SRBD1: variants seen among roughly 807,000 people sequenced by gnomAD.
SRBD1 encodes S1 RNA-binding domain-containing protein 1.
SRBD1 carries 88 observed loss-of-function variants against 115.3 expected under a neutral mutation model. The ratio of observed to expected loss-of-function variants is 0.76; its 90% CI spans 0.64 to 0.91. The LOEUF (loss-of-function observed/expected upper bound fraction) is 0.91, where lower values mean the gene tolerates loss of function less well. Ranked by LOEUF, SRBD1 falls within the 40% of genes least tolerant of loss-of-function variation. The pLI is 0.00. For missense variants in SRBD1, 1,385 were observed against 1,177.4 expected, an observed-to-expected ratio of 1.18 and a Z score of -2.58; for synonymous variants, 509 against 407.7, an observed-to-expected ratio of 1.25 and a Z score of -2.99.
chr2:45,526,657 T>TC (rs1397134634), intron 14 of SRBD1, among the ~76,000 whole-genome samples: 1 of 151,546 alleles, frequency 6.6e-6, no homozygotes, highest in Non-Finnish European at 1.5e-5. Flanking sequence ...AATAAAGACT[T>TC]CCAAAAACAA....
Position 45,440,978 on chromosome 2 carries a change from G to C in SRBD1, c.2050-21084C>G, listed in dbSNP as rs144944675. ...AAAAGGCTTTTCTTCTCCACATGTA[G>C]AAAAAAGGCTCTTTCCTAATGTTTC... On this transcript the variant is annotated intron_variant, in intron 16 of 20. Coordinates refer to ENST00000263736, the MANE Select transcript of SRBD1 (RefSeq NM_018079.5). Among the ~76,000 whole-genome samples the C allele has an allele frequency of 2.0e-3, 310 of 152,254 alleles. 2 individuals carry two copies. Among genetic ancestry groups the C allele is most frequent in the African/African-American group, 7.2e-3 (299 of 41,552 alleles).
intron 19 of SRBD1, among the ~76,000 whole-genome samples, chr2:45,401,890 TATTA>T (rs1228254499): frequency 6.6e-6 from 1 of 152,200 alleles, no homozygotes; most frequent in Non-Finnish European, 1.5e-5. Flanking sequence ...TACAGTCACT[TATTA>T]GTTAGAAGAC....
Position 45,547,418 on chromosome 2 carries a change from C to T in SRBD1, c.1766+104G>A, listed in dbSNP as rs991656626. 7 of 980,470 alleles carry T rather than the reference C, an allele frequency of 7.1e-6. No homozygotes were observed. In the African/African-American group the frequency reaches 1.2e-4, roughly 16 times the overall value. The allele number at this position is 980,470 out of a possible 1,614,324, so 60.7% of individuals were successfully genotyped here. A position where few individuals can be genotyped will look rare whatever the true frequency, so the allele number is the denominator to read the frequency against. ...CTGTTTTATATGGTTTATTGTCTCT[C>T]ACAAAGGCACCTCCCTTAATCCCTC... On this transcript the variant is annotated intron_variant, in intron 13 of 20. Coordinates refer to ENST00000263736, the MANE Select transcript of SRBD1 (RefSeq NM_018079.5).
At chr2:45,536,888 T>C (rs1014799280) in intron 14 of SRBD1, among the ~76,000 whole-genome samples, 1 of 152,198 alleles carries the variant, frequency 6.6e-6, no homozygotes, top group African/African-American at 2.4e-5. Flanking sequence ...AAAACTGTAA[T>C]TTCATAGAGC....
intron 16 of SRBD1, among the ~76,000 whole-genome samples, chr2:45,476,568 A>G (rs1427498410): frequency 6.6e-6 from 1 of 152,210 alleles, no homozygotes; most frequent in Non-Finnish European, 1.5e-5. Flanking sequence ...TAACAACAAA[A>G]ACGAGTACTA....
At chr2:45,448,205 T>G (rs1668885208) in intron 16 of SRBD1, 1 of 152,168 alleles carries the variant, frequency 6.6e-6, no homozygotes, top group Non-Finnish European at 1.5e-5. Context: ...GTTTCAAATC[T>G]TGCCTCTACT....
intron 4 of SRBD1, among the ~76,000 whole-genome samples, chr2:45,595,752 G>A (rs943144030): frequency 7.2e-5 from 11 of 152,154 alleles, no homozygotes; most frequent in African/African-American, 1.7e-4. Context: ...TAAAATTCAA[G>A]TTAAAATTAA....
chr2:45,487,992 T>A (rs1670171384), intron 15 of SRBD1, among the ~76,000 whole-genome samples: 1 of 152,188 alleles, frequency 6.6e-6, no homozygotes, highest in African/African-American at 2.4e-5. Flanking sequence ...TTAATTTTGC[T>A]AAAGACTTTG....
At chr2:45,572,339 T>A (rs996705098) in intron 9 of SRBD1, among the ~76,000 whole-genome samples, 1 of 152,132 alleles carries the variant, frequency 6.6e-6, no homozygotes, top group Non-Finnish European at 1.5e-5. Flanking sequence ...CAGTTTTGCA[T>A]GATAAAAAAA....
chr2:45,546,103 A>G (rs1041249978), intron 14 of SRBD1: 1 of 932,854 alleles, frequency 1.1e-6, no homozygotes, highest in African/African-American at 1.8e-5. Flanking sequence ...TGGAAAAGGA[A>G]GACATGACTA....
intron 16 of SRBD1, among the ~76,000 whole-genome samples, chr2:45,458,094 T>C (rs1669206936): frequency 6.6e-6 from 1 of 152,010 alleles, no homozygotes; most frequent in African/African-American, 2.4e-5. Flanking sequence ...TCCATTATAA[T>C]TTTAAACCTA....
intron 14 of SRBD1, among the ~76,000 whole-genome samples, chr2:45,518,745 T>C (rs1331387796): frequency 6.6e-6 from 1 of 152,194 alleles, no homozygotes; most frequent in Non-Finnish European, 1.5e-5. Flanking sequence ...ATTTTCTATA[T>C]AAAGGATACA....
At chr2:45,457,431 C>T (rs1434196921) in intron 16 of SRBD1, among the ~76,000 whole-genome samples, 2 of 151,886 alleles carry the variant, frequency 1.3e-5, no homozygotes, top group South Asian at 2.1e-4. Context: ...CCAACAGAGC[C>T]CTAAGAATAC....
chr2:45,419,047 A>G (rs1282720549), intron 17 of SRBD1, among the ~76,000 whole-genome samples: 1 of 152,222 alleles, frequency 6.6e-6, no homozygotes, highest in Non-Finnish European at 1.5e-5. Context: ...ATATACAAAG[A>G]CTATATCATT....
intron 14 of SRBD1, among the ~76,000 whole-genome samples, chr2:45,509,553 A>G (rs918524567): frequency 6.7e-5 from 9 of 134,162 alleles, no homozygotes; most frequent in African/African-American, 2.4e-4. Context: ...CAGAGATTGC[A>G]CCACTGCACT....
chr2:45,469,583 G>A (rs893858706), intron 16 of SRBD1, among the ~76,000 whole-genome samples: 1 of 152,128 alleles, frequency 6.6e-6, no homozygotes, highest in Non-Finnish European at 1.5e-5. Flanking sequence ...CATTGTTGGT[G>A]ATTTCCAGGA....
chr2:45,536,411 CA>C (rs1671764933), intron 14 of SRBD1, among the ~76,000 whole-genome samples: 1 of 151,862 alleles, frequency 6.6e-6, no homozygotes, highest in Non-Finnish European at 1.5e-5. Context: ...TCTAGCAAAC[CA>C]ATCACCCAAA....
chr2:45,464,994 A>G (rs578179996), intron 16 of SRBD1, among the ~76,000 whole-genome samples: 1 of 144,572 alleles, frequency 6.9e-6, no homozygotes, highest in Non-Finnish European at 1.5e-5. Context: ...GTCATGGTTG[A>G]GATTGTACAC....
At chr2:45,487,945 C>A (rs192522095) in intron 15 of SRBD1, among the ~76,000 whole-genome samples, 2 of 152,136 alleles carry the variant, frequency 1.3e-5, no homozygotes, top group African/African-American at 4.8e-5. Flanking sequence ...AGCCACCGCA[C>A]CCGGCCTATT....
Sources: gnomAD v4.1 joint callset for allele counts (sites outside exome capture counted in the v4.1 genomes callset) on GRCh38, gnomAD v4.1.1 for gene constraint, MANE v1.5 for transcripts, NCBI Gene and HGNC (gene_info 2026-07-23, HGNC 2026-07-21) for gene names.